BORCS6: variants seen among roughly 807,000 people sequenced by gnomAD.
BORCS6 encodes the protein BLOC-1 related complex subunit 6, also known as BLOC-1-related complex subunit 6.
BORCS6 carries 12 observed loss-of-function variants against 17.0 expected under a neutral mutation model. The observed-to-expected ratio is 0.71, with a 90% confidence interval of 0.45 to 1.15. The LOEUF (loss-of-function observed/expected upper bound fraction) is 1.15. BORCS6 is among the 50% of genes most tolerant of loss of function. The pLI is 0.00. For synonymous variants in BORCS6, 262 were observed against 241.7 expected (o/e 1.08, Z -0.78); for missense variants, 513 against 515.0 (o/e 1.00, Z 0.04).
At position 8,189,601 on chromosome 17, in the gene BORCS6, C is replaced by A; in HGVS notation, c.540G>T (p.Gly180=). ...CGCCGGACTCGGCACTCCCTGAGGACCCGGCGCCACCGCACGCCTCGCTCA... is the reference window on the plus strand; with the variant it reads ...CGCCGGACTCGGCACTCCCTGAGGAACCGGCGCCACCGCACGCCTCGCTCA... ...DGLSEACGGA[G]SSGSAESGAG... is the part of the protein sequence containing the mutation. Residue 180 remains glycine (G), a synonymous_variant, in exon 1 of 1, where the codon GGG becomes GGT. Coordinates refer to ENST00000389017, the MANE Select transcript of BORCS6 (RefSeq NM_017622.3). The surrounding 1 kb of genome is among the most constrained non-coding windows in gnomAD (Gnocchi z 7.8). 6.3e-7 allele frequency: 1 copy of A among 1,596,418 alleles called. No homozygotes were observed. The highest frequency in any genetic ancestry group is 1.1e-5 in the South Asian group (1 of 90,422).
chr17:8,189,880 C>G lies in BORCS6; in HGVS notation c.261G>C (p.Thr87=). 6.5e-7 allele frequency: 1 copy of G among 1,547,018 alleles called. No homozygotes were observed. The highest frequency in any genetic ancestry group is 8.7e-7 in the Non-Finnish European group (1 of 1,146,640). ...ALENEPGPQG[T]LSGAGSRRGA... is the part of the protein sequence containing the mutation. ...CCCTGCGGCTCCCGGCCCCAGACAG[C>G]GTCCCTTGAGGGCCGGGCTCGTTCT... Residue 87 remains threonine, a synonymous_variant, in exon 1 of 1, where the codon ACG becomes ACC. Coordinates refer to ENST00000389017, the MANE Select transcript of BORCS6 (RefSeq NM_017622.3). This position sits in a 1 kb window ranked among gnomAD's most constrained non-coding sequence, Gnocchi z 7.8.
rs1169352393 is a variant in BORCS6 at position 8,190,179 on chromosome 17, C to T, written c.-39G>A. The stretch of plus-strand genomic sequence containing the variant: ...GCCGCAACGGAGGAATTGGTTCGCC[C>T]CGGCTCCGGAGGCAGTGGCTGCGCC... On this transcript the variant is annotated 5_prime_UTR_variant, in exon 1 of 1. Transcript: ENST00000389017. The T allele has an allele frequency of 2.6e-6, 4 of 1,525,160 alleles. No homozygotes were observed. The Admixed American group carries it at 6.9e-5, about 26-fold the overall frequency. 94.5% of individuals were successfully genotyped at this position (1,525,160 alleles called of 1,614,324 possible). A position where few individuals can be genotyped will look rare whatever the true frequency, so the allele number is the denominator to read the frequency against.
rs976353080 is a variant in BORCS6, at chr17:8,189,480, G to A, written c.661C>T (p.Leu221=). Reference sequence around the variant, plus strand: ...CCGCTCAGACGGATCTTGAGTTGCAGGTTGTTGGCGACAAAGTGGGTAAGG... The same window carrying A: ...CCGCTCAGACGGATCTTGAGTTGCAAGTTGTTGGCGACAAAGTGGGTAAGG... The part of the protein sequence containing the change: ...GDLTHFVANN[L]QLKIRLSGAP... Residue 221 remains leucine (L), a synonymous_variant, in exon 1 of 1, where the codon CTG becomes TTG. Transcript: ENST00000389017. This position sits in a 1 kb window ranked among gnomAD's most constrained non-coding sequence, Gnocchi z 7.8. 3 of 1,573,330 alleles carry A rather than the reference G, an allele frequency of 1.9e-6. No homozygotes were observed. Among genetic ancestry groups the A allele is most frequent in the Non-Finnish European group, 2.6e-6 (3 of 1,159,774 alleles).
At position 8,189,700 on chromosome 17, in the gene BORCS6, C is replaced by T. The variant is rs2151459020; in HGVS notation, c.441G>A (p.Glu147=). ...CGGCTCTGCTGCCCGCGGCCGCCTC[C>T]TCGTCGTTGTCTTCCTCCTCCTGCT... The part of the protein sequence containing the change: ...VEQQEEEDND[E]EAAAGSRAGR... Residue 147 remains glutamate (E), a synonymous_variant, in exon 1 of 1, where the codon GAG becomes GAA. Coordinates refer to ENST00000389017, the MANE Select transcript of BORCS6 (RefSeq NM_017622.3). This position sits in a 1 kb window ranked among gnomAD's most constrained non-coding sequence, Gnocchi z 7.8. 1 of 1,598,852 alleles carries T rather than the reference C, an allele frequency of 6.3e-7. No homozygotes were observed. The highest frequency in any genetic ancestry group is 1.7e-4 in the Middle Eastern group (1 of 6,052).
Position 8,189,585 on chromosome 17 carries a change from C to G in BORCS6, c.556G>C (p.Glu186Gln). ...CGGAGSSGSA[E>Q]SGAGGGRRAT... ...CGGCGTCCGCCGCCCGCGCCGGACTCGGCACTCCCTGAGGACCCGGCGCCA... is the reference window on the plus strand; with the variant it reads ...CGGCGTCCGCCGCCCGCGCCGGACTGGGCACTCCCTGAGGACCCGGCGCCA... Residue 186 changes from glutamate to glutamine, a missense_variant, in exon 1 of 1, where the codon GAG (glutamate) becomes CAG (glutamine). By Grantham distance (29) the Glu-to-Gln change is conservative (BLOSUM62 2). Transcript: ENST00000389017. This position sits in a 1 kb window ranked among gnomAD's most constrained non-coding sequence, Gnocchi z 7.8. 1 of 1,594,602 alleles carries G rather than the reference C, an allele frequency of 6.3e-7. No homozygotes were observed. Among genetic ancestry groups the G allele is most frequent in the African/African-American group, 1.3e-5 (1 of 74,350 alleles).
In BORCS6 at chr17:8,189,438, G is replaced by A. The variant is rs1394973111; in HGVS notation, c.703C>T (p.Pro235Ser). The A allele has an allele frequency of 1.3e-6, 2 of 1,569,442 alleles. No individual in the cohort carries two copies. The highest frequency in any genetic ancestry group is 2.3e-5 in the East Asian group (1 of 42,992). Residue 235 changes from proline to serine, a missense_variant, in exon 1 of 1, where the codon CCT becomes TCT. Transcript: ENST00000389017. The surrounding 1 kb of genome is among the most constrained non-coding windows in gnomAD (Gnocchi z 7.8). ...IRLSGAPPPPPSAPARPCPAP... is the reference protein window; with the variant it reads ...IRLSGAPPPPSSAPARPCPAP... ...GGGCAGGGCCGCGCAGGGGCAGAAG[G>A]CGGGGGTGGAGGCGCGCCGCTCAGA...
Position 8,188,594 on chromosome 17 carries a change from C to A in BORCS6, c.*473G>T. 5.1e-6 allele frequency: 1 copy of A among 194,286 alleles called. No individual in the cohort carries two copies. Among genetic ancestry groups the A allele is most frequent in the South Asian group, 8.0e-5 (1 of 12,536 alleles). 12.0% of individuals were successfully genotyped at this position (194,286 alleles called of 1,614,324 possible). On this transcript the variant is annotated 3_prime_UTR_variant, in exon 1 of 1. Transcript: ENST00000389017. ...AGGCTCTCCATCAGCAGGGGTGCATCTTTGCCTGCGGGGTGTTTGGCCAAG... is the reference window on the plus strand; with the variant it reads ...AGGCTCTCCATCAGCAGGGGTGCATATTTGCCTGCGGGGTGTTTGGCCAAG...
At position 8,189,041 on chromosome 17, in the gene BORCS6, A is replaced by G; in HGVS notation, c.*26T>C. 1 of 1,613,850 alleles carries G rather than the reference A, an allele frequency of 6.2e-7. No homozygotes were observed. Among genetic ancestry groups the G allele is most frequent in the Non-Finnish European group, 8.5e-7 (1 of 1,179,942 alleles). On this transcript the variant is annotated 3_prime_UTR_variant, in exon 1 of 1. Transcript: ENST00000389017. The surrounding 1 kb of genome is among the most constrained non-coding windows in gnomAD (Gnocchi z 7.8). ...GGTCCTGCTGGGCCCTGCCCTGGCC[A>G]GGACCGGCCTCTCCTGTCCTCCTGG...
chr17:8,189,030 C>T lies in BORCS6; in HGVS notation c.*37G>A, dbSNP rs1358357530. ...AGAGTCCTTAGGGTCCTGCTGGGCC[C>T]TGCCCTGGCCAGGACCGGCCTCTCC... On this transcript the variant is annotated 3_prime_UTR_variant, in exon 1 of 1. Transcript: ENST00000389017. The surrounding 1 kb of genome is among the most constrained non-coding windows in gnomAD (Gnocchi z 7.8). The T allele has an allele frequency of 6.2e-7, 1 of 1,613,386 alleles. No individual in the cohort carries two copies. Among genetic ancestry groups the T allele is most frequent in the South Asian group, 1.1e-5 (1 of 90,956 alleles).
Position 8,189,956 on chromosome 17 carries a change from G to C in BORCS6, c.185C>G (p.Pro62Arg). The change falls in exon 1 of 1, where the codon CCG (proline) becomes CGG (arginine). Residue 62 changes from proline (P) to arginine (R), a missense_variant. Pro to Arg is a moderately radical substitution (Grantham distance 103, BLOSUM62 -2). Coordinates refer to ENST00000389017, the MANE Select transcript of BORCS6 (RefSeq NM_017622.3). The surrounding 1 kb of genome is among the most constrained non-coding windows in gnomAD (Gnocchi z 7.8). ...GGANRHPRTS[P>R]KTSSCGVVHR... ...GACGACGCCGCAGCTTGACGTCTTC[G>C]GGGACGTCCTGGGGTGGCGGTTCGC... is the stretch of plus-strand genomic sequence containing the variant. The C allele has an allele frequency of 6.5e-7, 1 of 1,549,602 alleles. No homozygotes were observed. The highest frequency in any genetic ancestry group is 8.7e-7 in the Non-Finnish European group (1 of 1,146,786).
In BORCS6 at chr17:8,188,762, G is replaced by A. The variant is rs926171122; in HGVS notation, c.*305C>T. ...GTCCTCACCTTCAAGCAGACCTAAA[G>A]CCCCGTGTTCCCAGGGCTGGTGCTC... On this transcript the variant is annotated 3_prime_UTR_variant, in exon 1 of 1. Transcript: ENST00000389017. 9.0e-6 allele frequency: 4 copies of A among 444,272 alleles called. No individual in the cohort carries two copies. The highest frequency in any genetic ancestry group is 4.0e-5 in the African/African-American group (2 of 50,296). 27.5% of individuals were successfully genotyped at this position (444,272 alleles called of 1,614,324 possible).
chr17:8,189,490 G>A lies in BORCS6; in HGVS notation c.651C>T (p.Val217=), dbSNP rs1984583951. Residue 217 remains valine (V), a synonymous_variant, in exon 1 of 1, where the codon GTC becomes GTT. Coordinates refer to ENST00000389017, the MANE Select transcript of BORCS6 (RefSeq NM_017622.3). The surrounding 1 kb of genome is among the most constrained non-coding windows in gnomAD (Gnocchi z 7.8). ...VSRHGDLTHF[V]ANNLQLKIRL... is the part of the protein sequence containing the mutation. ...GGATCTTGAGTTGCAGGTTGTTGGC[G>A]ACAAAGTGGGTAAGGTCGCCGTGGC... 1 of 1,572,806 alleles carries A rather than the reference G, an allele frequency of 6.4e-7. No homozygotes were observed. The highest frequency in any genetic ancestry group is 1.9e-5 in the Admixed American group (1 of 51,612).
chr17:8,188,789 A>T lies in BORCS6; in HGVS notation c.*278T>A, dbSNP rs550583821. 3 of 506,746 alleles carry T rather than the reference A, an allele frequency of 5.9e-6. No individual in the cohort carries two copies. The South Asian group carries it at 6.6e-5, about 11-fold the overall frequency. 31.4% of individuals were successfully genotyped at this position (506,746 alleles called of 1,614,324 possible). ...CCCGTGTTCCCAGGGCTGGTGCTCT[A>T]GCTAGGGAGGAGAGTTGGGAAGAAC... is the stretch of plus-strand genomic sequence containing the variant. On this transcript the variant is annotated 3_prime_UTR_variant, in exon 1 of 1. Transcript: ENST00000389017.
rs763896537 is a variant in BORCS6, at chr17:8,189,444, G to T, written c.697C>A (p.Pro233Thr). ...LKIRLSGAPP[P>T]PPSAPARPCP... ...GGCCGCGCAGGGGCAGAAGGCGGGG[G>T]TGGAGGCGCGCCGCTCAGACGGATC... The change falls in exon 1 of 1, where the codon CCC becomes ACC. Residue 233 changes from proline (P) to threonine (T), a missense_variant. Coordinates refer to ENST00000389017, the MANE Select transcript of BORCS6 (RefSeq NM_017622.3). The surrounding 1 kb of genome is among the most constrained non-coding windows in gnomAD (Gnocchi z 7.8). The T allele has an allele frequency of 6.4e-7, 1 of 1,568,204 alleles. No homozygotes were observed. The highest frequency in any genetic ancestry group is 2.3e-5 in the East Asian group (1 of 42,986).
Position 8,190,011 on chromosome 17 carries a change from C to A in BORCS6, c.130G>T (p.Gly44Trp), listed in dbSNP as rs918454116. 2.0e-5 allele frequency: 31 copies of A among 1,549,908 alleles called. No individual in the cohort carries two copies. The Admixed American group carries it at 2.2e-4, about 11-fold the overall frequency. Residue 44 changes from glycine to tryptophan, a missense_variant, in exon 1 of 1, where the codon GGG becomes TGG. Coordinates refer to ENST00000389017, the MANE Select transcript of BORCS6 (RefSeq NM_017622.3). ...SEPPAGLRVS[G>W]EEETENVGGA... ...CCAACGTTCTCGGTCTCTTCCTCCC[C>A]GGACACCCGGAGGCCTGCGGGCGGC...
In BORCS6 at chr17:8,189,750, G is replaced by T; in HGVS notation, c.391C>A (p.Pro131Thr). The T allele has an allele frequency of 4.4e-6, 7 of 1,599,830 alleles. No individual in the cohort carries two copies. Among genetic ancestry groups the T allele is most frequent in the Non-Finnish European group, 5.9e-6 (7 of 1,179,564 alleles). Residue 131 changes from proline to threonine, a missense_variant, in exon 1 of 1, where the codon CCA (proline) becomes ACA (threonine). Coordinates refer to ENST00000389017, the MANE Select transcript of BORCS6 (RefSeq NM_017622.3). The surrounding 1 kb of genome is among the most constrained non-coding windows in gnomAD (Gnocchi z 7.8). ...SSGRDCRRGG[P>T]GGGMDVEQQE... ...TGCTCAACATCCATCCCGCCGCCTG[G>T]TCCCCCTCGACGGCAGTCCCTCCCG...
Position 8,189,861 on chromosome 17 carries a change from G to C in BORCS6, c.280C>G (p.Arg94Gly). The C allele has an allele frequency of 6.5e-7, 1 of 1,548,438 alleles. No individual in the cohort carries two copies. Among genetic ancestry groups the C allele is most frequent in the Non-Finnish European group, 8.7e-7 (1 of 1,147,744 alleles). The change falls in exon 1 of 1, where the codon CGC (arginine) becomes GGC (glycine). Residue 94 changes from arginine to glycine, a missense_variant. By Grantham distance (125) the Arg-to-Gly change is moderately radical. Coordinates refer to ENST00000389017, the MANE Select transcript of BORCS6 (RefSeq NM_017622.3). This position sits in a 1 kb window ranked among gnomAD's most constrained non-coding sequence, Gnocchi z 7.8. Reference sequence around the variant, plus strand: ...TGCTCTGCACCCGGCGCCCCCCTGCGGCTCCCGGCCCCAGACAGCGTCCCT... The same window carrying C: ...TGCTCTGCACCCGGCGCCCCCCTGCCGCTCCCGGCCCCAGACAGCGTCCCT... ...PQGTLSGAGSRRGAPGAEHEP... is the reference protein window; with the variant it reads ...PQGTLSGAGSGRGAPGAEHEP...
Position 8,189,509 on chromosome 17 carries a change from C to A in BORCS6, c.632G>T (p.Gly211Val). The A allele has an allele frequency of 6.4e-7, 1 of 1,571,504 alleles. No individual in the cohort carries two copies. Among genetic ancestry groups the A allele is most frequent in the Non-Finnish European group, 8.6e-7 (1 of 1,160,018 alleles). Residue 211 changes from glycine to valine, a missense_variant, in exon 1 of 1, where the codon GGC (glycine) becomes GTC (valine). By Grantham distance (109) the Gly-to-Val change is moderately radical (BLOSUM62 -3). Transcript: ENST00000389017. The surrounding 1 kb of genome is among the most constrained non-coding windows in gnomAD (Gnocchi z 7.8). ...GTTGGCGACAAAGTGGGTAAGGTCG[C>A]CGTGGCGGCTCACTGTGCCTTCGAG... is the stretch of plus-strand genomic sequence containing the variant. ...LELEGTVSRH[G>V]DLTHFVANNL...
Position 8,189,928 on chromosome 17 carries a change from G to C in BORCS6, c.213C>G (p.His71Gln). Residue 71 changes from histidine to glutamine, a missense_variant, in exon 1 of 1, where the codon CAC becomes CAG. Transcript: ENST00000389017. This position sits in a 1 kb window ranked among gnomAD's most constrained non-coding sequence, Gnocchi z 7.8. Reference protein sequence around the residue: ...SPKTSSCGVVHRPEREALENE... With the variant: ...SPKTSSCGVVQRPEREALENE... ...TCTCCAGAGCCTCCCGTTCCGGCCG[G>C]TGGACGACGCCGCAGCTTGACGTCT... 1.3e-6 allele frequency: 2 copies of C among 1,548,980 alleles called. No individual in the cohort carries two copies. Among genetic ancestry groups the C allele is most frequent in the African/African-American group, 1.4e-5 (1 of 73,158 alleles).
Sources: gnomAD v4.1 joint callset for allele counts on GRCh38, gnomAD v4.1.1 for gene constraint, Gnocchi (gnomAD v3.1) non-coding constraint, MANE v1.5 for transcripts, NCBI Gene and HGNC (gene_info 2026-07-23, HGNC 2026-07-21) for gene names.